The following ATXN1 variants were observed in gnomAD, a reference collection of about 807,000 sequenced individuals.
ATXN1 encodes ataxin-1.
In ATXN1, 8 loss-of-function variants were observed where a neutral mutation model predicts 56.4. The observed-to-expected ratio is 0.14, with a 90% CI of 0.08 to 0.26. The LOEUF (loss-of-function observed/expected upper bound fraction) is 0.26. Ranked by LOEUF, ATXN1 falls within the 10% of genes least tolerant of loss-of-function variation. The probability of loss-of-function intolerance (pLI) is 1.00; values close to 1 mark genes in which losing one functional copy is unlikely to be tolerated. For synonymous variants in ATXN1, 514 were observed against 494.6 expected (o/e 1.04, Z -0.52); for missense variants, 987 against 1,106.5 (o/e 0.89, Z 1.53).
At chr6:16,453,011 T>C (rs559644796) in intron 6 of ATXN1, among the ~76,000 whole-genome samples, 27 of 152,324 alleles carry the variant, frequency 1.8e-4, no homozygotes, top group African/African-American at 5.8e-4. Flanking sequence ...CCAGACAACA[T>C]GCTAGTCGAA....
chr6:16,451,673 T>A (rs768561205), intron 6 of ATXN1, among the ~76,000 whole-genome samples: 35 of 151,942 alleles, frequency 2.3e-4, no homozygotes, highest in Admixed American at 6.6e-4. Context: ...GAGAACCACT[T>A]GAACCCAGGA....
chr6:16,750,285 G>A (rs916669403), intron 2 of ATXN1, among the ~76,000 whole-genome samples: 1 of 152,190 alleles, frequency 6.6e-6, no homozygotes, highest in Non-Finnish European at 1.5e-5. Context: ...CCATGCAGTA[G>A]TTTTAAAAAA....
chr6:16,320,064 C>T lies in ATXN1; in HGVS notation c.1917+6330G>A, dbSNP rs140269427. Among the ~76,000 whole-genome samples the T allele has an allele frequency of 5.5e-3, 844 of 152,196 alleles. 11 individuals carry two copies. Among genetic ancestry groups the T allele is most frequent in the African/African-American group, 0.019 (793 of 41,526 alleles). ...CATTAGGATTCATCGCCACCAAGCT[C>T]GGCATGTTCAATGTTGGCAAGTGGG... On this transcript the variant is annotated intron_variant, in intron 7 of 7. Transcript: ENST00000436367.
At chr6:16,449,867 C>A (rs1759719734) in intron 6 of ATXN1, among the ~76,000 whole-genome samples, 1 of 152,176 alleles carries the variant, frequency 6.6e-6, no homozygotes, top group Non-Finnish European at 1.5e-5. Context: ...ATATACCTAA[C>A]AACAAAAGGC....
intron 2 of ATXN1, among the ~76,000 whole-genome samples, chr6:16,752,418 AT>A (rs112322780): frequency 6.6e-6 from 1 of 152,130 alleles, no homozygotes; most frequent in Non-Finnish European, 1.5e-5. Flanking sequence ...TCCAAATTCT[AT>A]TTTTTTAAGC....
intron 5 of ATXN1, among the ~76,000 whole-genome samples, chr6:16,508,176 T>C (rs1761014974): frequency 6.6e-6 from 1 of 152,160 alleles, no homozygotes; most frequent in Admixed American, 6.5e-5. Flanking sequence ...ACAGAGTAGA[T>C]GAACGTCAAG....
intron 3 of ATXN1, among the ~76,000 whole-genome samples, chr6:16,649,887 A>G (rs1409557669): frequency 6.6e-6 from 1 of 152,186 alleles, no homozygotes; most frequent in Non-Finnish European, 1.5e-5. Context: ...TTACCAAGAT[A>G]GCTATATGAG....
In ATXN1 at chr6:16,327,154, G is replaced by T; in HGVS notation, c.1157C>A (p.Pro386His). The part of the protein sequence containing the change: ...SGVRASVMVL[P>H]NSNTPAADLE... ...GTCAGCTGCGGGCGTGTTGCTGTTG[G>T]GCAGGACCATCACAGAGGCCCGGAC... The change falls in exon 7 of 8, where the codon CCC becomes CAC. Residue 386 changes from proline (P) to histidine (H), a missense_variant. Physicochemically the swap from Pro to His is moderately conservative, Grantham distance 77. Coordinates refer to ENST00000436367, the MANE Select transcript of ATXN1 (RefSeq NM_001128164.2). 6.2e-7 allele frequency: 1 copy of T among 1,613,706 alleles called. No individual in the cohort carries two copies. The highest frequency in any genetic ancestry group is 8.5e-7 in the Non-Finnish European group (1 of 1,180,028).
intron 3 of ATXN1, among the ~76,000 whole-genome samples, chr6:16,603,703 G>A (rs554254676): frequency 1.4e-4 from 22 of 152,180 alleles, no homozygotes; most frequent in African/African-American, 3.6e-4. Flanking sequence ...GAAAAGACGC[G>A]GGAGGCTTCA....
At chr6:16,317,301 A>G (rs553382039) in intron 7 of ATXN1, among the ~76,000 whole-genome samples, 2 of 151,920 alleles carry the variant, frequency 1.3e-5, no homozygotes, top group Non-Finnish European at 2.9e-5. Flanking sequence ...TAAGTAGAAT[A>G]GCCTTTATAA....
chr6:16,511,590 C>T (rs1433639728), intron 5 of ATXN1, among the ~76,000 whole-genome samples: 1 of 152,154 alleles, frequency 6.6e-6, no homozygotes, highest in African/African-American at 2.4e-5. Context: ...ATCAACCTAG[C>T]AACAAGTCCG....
intron 4 of ATXN1, among the ~76,000 whole-genome samples, chr6:16,566,794 T>G (rs1762231075): frequency 6.6e-6 from 1 of 151,130 alleles, no homozygotes; most frequent in Non-Finnish European, 1.5e-5. Flanking sequence ...AGGCAAAGGT[T>G]GCAGTGAGCC....
At position 16,307,058 on chromosome 6, in the gene ATXN1, G is replaced by C. The variant is rs191318825; in HGVS notation, c.1918-199C>G. On this transcript the variant is annotated intron_variant, in intron 7 of 7. Transcript: ENST00000436367. ...TAAATGAGGCTCTTCTCTTTGGGTT[G>C]TACCTCTACTTGCCATAGGCAGAAG... is the stretch of plus-strand genomic sequence containing the variant. Among the ~76,000 whole-genome samples the C allele has an allele frequency of 2.0e-5, 3 of 152,304 alleles. No homozygotes were observed. In the East Asian group the frequency reaches 5.8e-4, roughly 29 times the overall value.
intron 5 of ATXN1, among the ~76,000 whole-genome samples, chr6:16,490,404 C>T (rs545115969): frequency 2.6e-5 from 4 of 152,264 alleles, no homozygotes; most frequent in African/African-American, 7.2e-5. Flanking sequence ...AATGGCTGTC[C>T]TCTCTCTTCT....
intron 6 of ATXN1, chr6:16,433,220 T>C (rs1473716187): frequency 6.6e-6 from 1 of 152,170 alleles, no homozygotes; most frequent in Non-Finnish European, 1.5e-5. Context: ...ATAGAATCTT[T>C]TGCATTTCAT....
intron 3 of ATXN1, among the ~76,000 whole-genome samples, chr6:16,617,630 G>A (rs1298233556): frequency 6.6e-6 from 1 of 152,042 alleles, no homozygotes; most frequent in Non-Finnish European, 1.5e-5. Context: ...AGCCGGGCGT[G>A]GTGGCGGGCG....
chr6:16,396,813 C>A lies in ATXN1; in HGVS notation c.-160-68343G>T, dbSNP rs532774060. ...TCTTTTCTACTTCATTTTTACTGTA[C>A]CTATTCTATGTCTAGATGCACAAAA... On this transcript the variant is annotated intron_variant, in intron 6 of 7. Transcript: ENST00000436367. Among the ~76,000 whole-genome samples, 4 of 152,262 alleles carry A rather than the reference C, an allele frequency of 2.6e-5. No homozygotes were observed. In the South Asian group the frequency reaches 8.3e-4, roughly 32 times the overall value.
At chr6:16,639,927 C>T (rs1174788102) in intron 3 of ATXN1, among the ~76,000 whole-genome samples, 1 of 152,156 alleles carries the variant, frequency 6.6e-6, no homozygotes, top group African/African-American at 2.4e-5. Context: ...TCACATGTGA[C>T]TGCCTGTTGT....
At chr6:16,508,083 A>G (rs1761013365) in intron 5 of ATXN1, among the ~76,000 whole-genome samples, 1 of 152,070 alleles carries the variant, frequency 6.6e-6, no homozygotes, top group Non-Finnish European at 1.5e-5. Context: ...TTTTTGGCCA[A>G]TGGGGTCTCA....
Sources: allele counts gnomAD v4.1 joint callset (sites outside exome capture counted in the v4.1 genomes callset), GRCh38; gene constraint gnomAD v4.1.1; transcripts MANE v1.5; gene names NCBI Gene and HGNC (gene_info 2026-07-23, HGNC 2026-07-21).